The following AURKA variants were observed in gnomAD, a reference collection of about 807,000 sequenced individuals.
The protein encoded by AURKA is aurora kinase A.
In AURKA, 12 loss-of-function variants were observed where a neutral mutation model predicts 40.9. The ratio of observed to expected loss-of-function variants is 0.29; its 90% CI spans 0.19 to 0.48. AURKA has a LOEUF of 0.48. Among genes scored for constraint, AURKA ranks in the 20% least tolerant of loss-of-function variants. The pLI, the probability that AURKA is intolerant of heterozygous loss-of-function variation, is 0.99. For synonymous variants in AURKA, 170 were observed against 164.3 expected (o/e 1.03, Z -0.26); for missense variants, 322 against 462.1 (o/e 0.70, Z 2.78).
chr20:56,383,826 G>A (rs557702436), intron 4 of AURKA, among the ~76,000 whole-genome samples: 4 of 152,262 alleles, frequency 2.6e-5, no homozygotes, highest in East Asian at 3.9e-4. Context: ...AAAGCCCTGG[G>A]GAAGACATTA....
Position 56,373,267 on chromosome 20 carries a change from A to G in AURKA, c.854+141T>C. 8.9e-7 allele frequency: 1 copy of G among 1,117,502 alleles called. No individual in the cohort carries two copies. Among genetic ancestry groups the G allele is most frequent in the South Asian group, 1.3e-5 (1 of 76,888 alleles). The allele number at this position is 1,117,502 out of a possible 1,614,324, so 69.2% of individuals were successfully genotyped here. A position where few individuals can be genotyped will look rare whatever the true frequency, so the allele number is the denominator to read the frequency against. ...CAAACCCTAGTTTATTATTAAGCCT[A>G]AATTACTCCAAAGTACTTCTGGGTT... On this transcript the variant is annotated intron_variant, in intron 7 of 8. Coordinates refer to ENST00000395915, the MANE Select transcript of AURKA (RefSeq NM_198437.3). The surrounding 1 kb of genome is among the most constrained non-coding windows in gnomAD (Gnocchi z 5.0).
chr20:56,388,362 T>C, intron 1 of AURKA, 160 bp from the exon 2 acceptor site: 2 of 703,870 alleles, frequency 2.8e-6, no homozygotes, highest in South Asian at 3.3e-5. Flanking sequence ...GGGACAGGCA[T>C]GTGCTTTCCC....
Position 56,392,167 on chromosome 20 carries a change from C to A in AURKA, c.-6+1G>T, listed in dbSNP as rs1430998016. ...CGGTCTACCCACCCGTCGGCTCCCA[C>A]CTGCGACCCAAGGACCCAAGTCTTC... On this transcript the variant is annotated splice_donor_variant, in intron 1 of 8. Coordinates refer to ENST00000395915, the MANE Select transcript of AURKA (RefSeq NM_198437.3). LOFTEE classifies it low-confidence loss of function (5UTR_SPLICE). The A allele has an allele frequency of 1.3e-5, 2 of 152,320 alleles. No homozygotes were observed. The highest frequency in any genetic ancestry group is 2.1e-4 in the South Asian group (1 of 4,834). The allele number at this position is 152,320 out of a possible 1,614,324, so 9.4% of individuals were successfully genotyped here. A position where few individuals can be genotyped will look rare whatever the true frequency, so the allele number is the denominator to read the frequency against.
chr20:56,371,710 G>A (rs750950859), intron 7 of AURKA, among the ~76,000 whole-genome samples: 3 of 151,440 alleles, frequency 2.0e-5, no homozygotes, highest in Non-Finnish European at 4.4e-5. Context: ...CAAAGCATGG[G>A]CTTTGGTTGA....
At chr20:56,376,834 C>T (rs1399818446) in intron 6 of AURKA, among the ~76,000 whole-genome samples, 1 of 152,152 alleles carries the variant, frequency 6.6e-6, no homozygotes, top group Non-Finnish European at 1.5e-5. Context: ...AATCCCAACA[C>T]TCTGGGAGGC....
chr20:56,388,484 T>C (rs1986653908), intron 1 of AURKA: 3 of 489,926 alleles, frequency 6.1e-6, no homozygotes, highest in Non-Finnish European at 1.1e-5. Context: ...CTTCCATCCC[T>C]GTGCAGCCTA....
At position 56,386,457 on chromosome 20, in the gene AURKA, T is replaced by C. The variant is rs1357703858; in HGVS notation, c.119A>G (p.Asn40Ser). 1 of 1,614,198 alleles carries C rather than the reference T, an allele frequency of 6.2e-7. No individual in the cohort carries two copies. Among genetic ancestry groups the C allele is most frequent in the Admixed American group, 1.7e-5 (1 of 60,022 alleles). The change falls in exon 3 of 9, where the codon AAT becomes AGT. Residue 40 changes from asparagine to serine, a missense_variant. Transcript: ENST00000395915. ...CAAGACCCGCTGAGCCTGGCCACTA[T>C]TTACAGGTAATGGATTCTGACAAGG... ...QFPCQNPLPV[N>S]SGQAQRVLCP...
chr20:56,374,235 A>C (rs1381015064), intron 6 of AURKA, among the ~76,000 whole-genome samples: 3 of 152,234 alleles, frequency 2.0e-5, no homozygotes, highest in Non-Finnish European at 4.4e-5. Flanking sequence ...TAAAGTTACA[A>C]CACCATACGG....
At chr20:56,374,802 C>T (rs971507470) in intron 6 of AURKA, among the ~76,000 whole-genome samples, 2 of 152,186 alleles carry the variant, frequency 1.3e-5, no homozygotes, top group Non-Finnish European at 2.9e-5. Context: ...AATCCCAGCA[C>T]TTTGGGAGGC....
At position 56,386,327 on chromosome 20, in the gene AURKA, A is replaced by G. The variant is rs776854824; in HGVS notation, c.249T>C (p.Ser83=). ...GTGGCCTGGAGACAGGATGAGGTAC[A>G]CTGGTTGCCTGCAATTGCTTCTGCT... is the stretch of plus-strand genomic sequence containing the variant. ...NQKQKQLQAT[S]VPHPVSRPLN... Residue 83 remains serine, a synonymous_variant, in exon 3 of 9, where the codon AGT becomes AGC. Coordinates refer to ENST00000395915, the MANE Select transcript of AURKA (RefSeq NM_198437.3). 3.1e-6 allele frequency: 5 copies of G among 1,614,084 alleles called. No individual in the cohort carries two copies. Among genetic ancestry groups the G allele is most frequent in the African/African-American group, 1.3e-5 (1 of 74,924 alleles).
At chr20:56,380,213 G>A (rs1600693007) in intron 6 of AURKA, among the ~76,000 whole-genome samples, 1 of 151,624 alleles carries the variant, frequency 6.6e-6, no homozygotes, top group Non-Finnish European at 1.5e-5. Flanking sequence ...AAATTAGCCA[G>A]GTGTGGTGGT....
At chr20:56,384,204 G>T in intron 4 of AURKA, 66 bp downstream of exon 4, 2 of 1,375,664 alleles carry the variant, frequency 1.5e-6, no homozygotes, top group Middle Eastern at 1.8e-4. Context: ...TTCCCACAAC[G>T]AAATTTGCAA....
At chr20:56,391,917 A>G (rs1408528532) in intron 1 of AURKA, 1 of 112,736 alleles carries the variant, frequency 8.9e-6, no homozygotes, top group East Asian at 2.8e-4. Flanking sequence ...CGCGCATGTC[A>G]ACACCACTCA....
chr20:56,370,773 G>A (rs1984054475), intron 7 of AURKA, 114 bp from the exon 8 acceptor site: 1 of 1,150,528 alleles, frequency 8.7e-7, no homozygotes, highest in South Asian at 1.4e-5. Flanking sequence ...GCCAGATCCT[G>A]TGCCCTAGGA....
intron 3 of AURKA, 114 bp downstream of exon 3, chr20:56,386,143 C>A (rs1986326056): frequency 6.9e-7 from 1 of 1,451,798 alleles, no homozygotes; most frequent in Non-Finnish European, 9.7e-7. Flanking sequence ...TTCTCCCCAT[C>A]CTCAACAGAT....
chr20:56,372,606 A>T (rs965586416), intron 7 of AURKA, among the ~76,000 whole-genome samples: 1 of 151,566 alleles, frequency 6.6e-6, no homozygotes, highest in Non-Finnish European at 1.5e-5. Context: ...AGTGCTCTGT[A>T]ACAAAAGCAA....
intron 1 of AURKA, 72 bp from the exon 2 acceptor site, chr20:56,388,274 C>A (rs2146212746): frequency 7.5e-7 from 1 of 1,332,152 alleles, no homozygotes; most frequent in Non-Finnish European, 1.1e-6. Context: ...CGATAGGCAG[C>A]GTTACAGTTC....
In AURKA at chr20:56,370,487, G is replaced by A. The variant is rs774552788; in HGVS notation, c.1027C>T (p.Arg343Trp). The A allele has an allele frequency of 1.2e-5, 19 of 1,614,082 alleles. No homozygotes were observed. The highest frequency in any genetic ancestry group is 4.4e-5 in the South Asian group (4 of 91,080). ...GGTCCTTTTCAGTTGCGTCTTACCC[G>A]TGATATTCTTTTGTAGGTCTCTTGG... is the stretch of plus-strand genomic sequence containing the variant. The part of the protein sequence containing the change: ...TYQETYKRIS[R>W]VEFTFPDFVT... Residue 343 changes from arginine to tryptophan, a missense_variant and splice_region_variant, in exon 8 of 9, where the codon CGG becomes TGG. Coordinates refer to ENST00000395915, the MANE Select transcript of AURKA (RefSeq NM_198437.3).
rs1012313204 is a variant in AURKA at position 56,369,556 on chromosome 20, A to G, written c.*602T>C. The stretch of plus-strand genomic sequence containing the variant: ...ACGTGTTCCTATTTTTCACACTCTC[A>G]TATGGGAGATAAGTGGTTAAGGAGG... On this transcript the variant is annotated 3_prime_UTR_variant, in exon 9 of 9. Transcript: ENST00000395915. 1 of 249,394 alleles carries G rather than the reference A, an allele frequency of 4.0e-6. No individual in the cohort carries two copies. The highest frequency in any genetic ancestry group is 7.9e-6 in the Non-Finnish European group (1 of 126,184). The allele number at this position is 249,394 out of a possible 1,614,324, so 15.4% of individuals were successfully genotyped here.
Sources: gnomAD v4.1 joint callset for allele counts (sites outside exome capture counted in the v4.1 genomes callset) on GRCh38, gnomAD v4.1.1 for gene constraint, Gnocchi (gnomAD v3.1) non-coding constraint, MANE v1.5 for transcripts, NCBI Gene and HGNC (gene_info 2026-07-23, HGNC 2026-07-21) for gene names.